Variants in DPP10 observed in about 807,000 individuals in gnomAD.
DPP10 encodes inactive dipeptidyl peptidase 10.
DPP10 carries 33 observed loss-of-function variants against 120.9 expected under a neutral mutation model. The ratio of observed to expected loss-of-function variants is 0.27; its 90% CI spans 0.21 to 0.37. DPP10 has a LOEUF of 0.37. Ranked by LOEUF, DPP10 falls within the 10% of genes least tolerant of loss-of-function variation. The probability of loss-of-function intolerance (pLI) is 1.00; values close to 1 mark genes in which losing one functional copy is unlikely to be tolerated. For missense variants in DPP10, 816 were observed against 942.8 expected, an observed-to-expected ratio of 0.87 and a Z score of 1.76; for synonymous variants, 337 against 326.1, an observed-to-expected ratio of 1.03 and a Z score of -0.36.
chr2:115,472,633 T>C (rs2074805961), intron 3 of DPP10, among the ~76,000 whole-genome samples: 1 of 152,194 alleles, frequency 6.6e-6, no homozygotes, highest in African/African-American at 2.4e-5. Context: ...GCACCCCTCT[T>C]TGTATTGAAA....
At chr2:115,537,704 C>T (rs185475764) in intron 5 of DPP10, among the ~76,000 whole-genome samples, 2 of 151,670 alleles carry the variant, frequency 1.3e-5, no homozygotes, top group African/African-American at 4.8e-5. Context: ...GCACATCTGC[C>T]GAACTTCATG....
chr2:114,670,294 T>A (rs1176937552), intron 1 of DPP10, among the ~76,000 whole-genome samples: 1 of 152,128 alleles, frequency 6.6e-6, no homozygotes, highest in Non-Finnish European at 1.5e-5. Context: ...TGATAGACAA[T>A]GATAGACTGG....
chr2:115,747,096 G>T (rs1678077507), intron 10 of DPP10, among the ~76,000 whole-genome samples: 1 of 152,102 alleles, frequency 6.6e-6, no homozygotes, highest in South Asian at 2.1e-4. Context: ...GGTAATAAAG[G>T]TTTATGGAAT....
chr2:114,960,445 A>C (rs780790384), intron 1 of DPP10, among the ~76,000 whole-genome samples: 3 of 151,544 alleles, frequency 2.0e-5, no homozygotes, highest in African/African-American at 7.3e-5. Context: ...AAAACCAAAA[A>C]ATTGGGATAC....
At chr2:114,483,595 T>C (rs894905577) in intron 1 of DPP10, among the ~76,000 whole-genome samples, 9 of 152,062 alleles carry the variant, frequency 5.9e-5, no homozygotes, top group Non-Finnish European at 8.8e-5. Context: ...AATAAAAATG[T>C]TGACAAAGAT....
At chr2:114,890,297 T>C (rs1272030372) in intron 1 of DPP10, among the ~76,000 whole-genome samples, 2 of 152,038 alleles carry the variant, frequency 1.3e-5, no homozygotes, top group Non-Finnish European at 2.9e-5. Context: ...GCTCAAGAAA[T>C]AGGAGATAGT....
intron 3 of DPP10, among the ~76,000 whole-genome samples, chr2:115,471,520 T>A (rs2074715168): frequency 6.6e-6 from 1 of 152,154 alleles, no homozygotes; most frequent in Non-Finnish European, 1.5e-5. Context: ...TTCGCAGTCT[T>A]ACATCTTGAA....
intron 3 of DPP10, among the ~76,000 whole-genome samples, chr2:115,351,143 G>A (rs1390181675): frequency 6.6e-6 from 1 of 151,942 alleles, no homozygotes; most frequent in Non-Finnish European, 1.5e-5. Context: ...ATGTAGGAGC[G>A]GATAAAGAAA....
At chr2:115,550,033 G>A (rs777335842) in intron 5 of DPP10, among the ~76,000 whole-genome samples, 10 of 152,042 alleles carry the variant, frequency 6.6e-5, no homozygotes, top group Admixed American at 2.6e-4. Context: ...ATGCAGCTCA[G>A]GTAGAATTAA....
chr2:115,401,307 G>A (rs1574717601), intron 3 of DPP10, among the ~76,000 whole-genome samples: 2 of 152,268 alleles, frequency 1.3e-5, no homozygotes, highest in South Asian at 4.1e-4. Context: ...ATGCTGGAGG[G>A]CCAGGCTCAT....
At chr2:114,568,134 T>C (rs1573675848) in intron 1 of DPP10, among the ~76,000 whole-genome samples, 1 of 151,742 alleles carries the variant, frequency 6.6e-6, no homozygotes, top group Non-Finnish European at 1.5e-5. Flanking sequence ...ACTGCTTCAC[T>C]AATGTAATGA....
chr2:114,690,240 G>A (rs1308318015), intron 1 of DPP10, among the ~76,000 whole-genome samples: 1 of 151,800 alleles, frequency 6.6e-6, no homozygotes, highest in African/African-American at 2.4e-5. Flanking sequence ...TCTTTTGTAT[G>A]TCTTGAGTTA....
At chr2:115,675,272 G>A (rs1023562384) in intron 5 of DPP10, among the ~76,000 whole-genome samples, 3 of 152,072 alleles carry the variant, frequency 2.0e-5, no homozygotes, top group African/African-American at 7.2e-5. Context: ...TGCAGACTTT[G>A]ACGAATATGA....
In DPP10 at chr2:114,707,459, T is replaced by C. The variant is rs150105933; in HGVS notation, c.60+264621T>C. ...CCATCACTAAAGTCCATGATATGTA[T>C]CGAGACAGTAGTTATTAAAAGTACA... On this transcript the variant is annotated intron_variant, in intron 1 of 25. Transcript: ENST00000410059. Among the ~76,000 whole-genome samples the C allele has an allele frequency of 4.4e-3, 665 of 152,344 alleles. 4 individuals are homozygous for C. The highest frequency in any genetic ancestry group is 0.016 in the African/African-American group (648 of 41,586).
intron 1 of DPP10, among the ~76,000 whole-genome samples, chr2:115,147,734 G>T (rs1456877676): frequency 6.6e-6 from 1 of 152,100 alleles, no homozygotes; most frequent in Non-Finnish European, 1.5e-5. Context: ...AATACTCTGA[G>T]AATGAAAAAC....
At chr2:114,786,616 GA>G (rs1191523061) in intron 1 of DPP10, among the ~76,000 whole-genome samples, 3 of 152,156 alleles carry the variant, frequency 2.0e-5, no homozygotes, top group Non-Finnish European at 4.4e-5. Flanking sequence ...AAAAAATACA[GA>G]AATTATCAGG....
At chr2:114,796,852 G>A (rs1004164635) in intron 1 of DPP10, among the ~76,000 whole-genome samples, 8 of 152,164 alleles carry the variant, frequency 5.3e-5, no homozygotes, top group Non-Finnish European at 1.2e-4. Flanking sequence ...TAAAAACAAT[G>A]CCTGTTTAAA....
chr2:114,638,482 C>G (rs1022407922), intron 1 of DPP10, among the ~76,000 whole-genome samples: 2 of 151,858 alleles, frequency 1.3e-5, no homozygotes, highest in Non-Finnish European at 2.9e-5. Context: ...ACAGACACTT[C>G]TCTAAAGAAG....
At chr2:115,831,271 C>T (rs1367955123) in intron 21 of DPP10, among the ~76,000 whole-genome samples, 3 of 151,146 alleles carry the variant, frequency 2.0e-5, no homozygotes, top group Non-Finnish European at 3.0e-5. Flanking sequence ...TATTTTGAGA[C>T]GGAGTCTTAC....
Sources: gnomAD v4.1 joint callset for allele counts (sites outside exome capture counted in the v4.1 genomes callset) on GRCh38, gnomAD v4.1.1 for gene constraint, MANE v1.5 for transcripts, NCBI Gene and HGNC (gene_info 2026-07-23, HGNC 2026-07-21) for gene names.